DLG2: variants seen among roughly 807,000 people sequenced by gnomAD.
The protein encoded by DLG2 is discs large MAGUK scaffold protein 2, also known as disks large homolog 2.
A neutral mutation model predicts 132.5 loss-of-function variants in DLG2; 45 were observed. The observed-to-expected ratio is 0.34, with a 90% CI of 0.27 to 0.44. DLG2 has a LOEUF of 0.44. DLG2 is among the 20% of genes least tolerant of loss of function. DLG2 has a pLI of 1.00. For missense variants in DLG2, 1,045 were observed against 1,196.9 expected, an observed-to-expected ratio of 0.87 and a Z score of 1.87; for synonymous variants, 424 against 419.6, an observed-to-expected ratio of 1.01 and a Z score of -0.13.
At chr11:85,592,163 G>A (rs1342746559) in intron 3 of DLG2, among the ~76,000 whole-genome samples, 1 of 152,104 alleles carries the variant, frequency 6.6e-6, no homozygotes, top group Non-Finnish European at 1.5e-5. Context: ...TTGACCTTAA[G>A]CTCCTTAAGT....
chr11:83,899,592 CAA>C (rs1323503871), intron 15 of DLG2, among the ~76,000 whole-genome samples: 1 of 152,086 alleles, frequency 6.6e-6, no homozygotes, highest in Admixed American at 6.6e-5. Flanking sequence ...CTGATGGTAT[CAA>C]AAATGGGAGT....
At chr11:83,486,959 T>G (rs1481504771) in intron 21 of DLG2, among the ~76,000 whole-genome samples, 3 of 149,552 alleles carry the variant, frequency 2.0e-5, no homozygotes, top group Non-Finnish European at 3.0e-5. Context: ...TACCATTATA[T>G]AAGCTTTTTT....
chr11:84,127,044 C>T (rs1368566420), intron 9 of DLG2, among the ~76,000 whole-genome samples: 2 of 152,150 alleles, frequency 1.3e-5, no homozygotes, highest in South Asian at 4.1e-4. Context: ...ATGCCATATT[C>T]GTCAAGCTAG....
At chr11:85,251,630 A>G (rs575374768) in intron 4 of DLG2, among the ~76,000 whole-genome samples, 275 of 152,292 alleles carry the variant, frequency 1.8e-3, no homozygotes, top group Non-Finnish European at 2.3e-3. Context: ...ATAAATTTTG[A>G]TCCACTATGC....
rs1490782838 is a variant in DLG2, at chr11:83,456,266, A to T, written c.*3552T>A. Reference sequence around the variant, plus strand: ...CGCCGGCAGGGCCCACAGCACATGCATCATCGCTGCCAGGGCAACGGTGCA... The same window carrying T: ...CGCCGGCAGGGCCCACAGCACATGCTTCATCGCTGCCAGGGCAACGGTGCA... On this transcript the variant is annotated 3_prime_UTR_variant, in exon 28 of 28. Coordinates refer to ENST00000376104, the MANE Select transcript of DLG2 (RefSeq NM_001142699.3). 6.5e-6 allele frequency: 1 copy of T among 152,964 alleles called. No individual in the cohort carries two copies. The highest frequency in any genetic ancestry group is 1.5e-5 in the Non-Finnish European group (1 of 68,280). 9.5% of individuals were successfully genotyped at this position (152,964 alleles called of 1,614,324 possible). A position where few individuals can be genotyped will look rare whatever the true frequency, so the allele number is the denominator to read the frequency against.
chr11:84,554,480 CT>C (rs1218000633), intron 6 of DLG2, among the ~76,000 whole-genome samples: 2 of 152,136 alleles, frequency 1.3e-5, no homozygotes, highest in African/African-American at 4.8e-5. Context: ...GGTGCGGTAG[CT>C]CATGCCTGTA....
intron 9 of DLG2, among the ~76,000 whole-genome samples, chr11:84,160,262 A>T (rs1001391281): frequency 6.6e-6 from 1 of 152,158 alleles, no homozygotes; most frequent in African/African-American, 2.4e-5. Flanking sequence ...AGGAGGAGCC[A>T]GCAAGGAGGC....
intron 6 of DLG2, among the ~76,000 whole-genome samples, chr11:84,830,321 C>G (rs1419262140): frequency 6.7e-6 from 1 of 150,092 alleles, no homozygotes; most frequent in Non-Finnish European, 1.5e-5. Flanking sequence ...ACCTTTTAAA[C>G]AGTATAGCTC....
rs968655401 is a variant in DLG2 at position 85,565,834 on chromosome 11, A to AAT, written c.40+32821_40+32822dup. 7.4e-4 allele frequency among the ~76,000 whole-genome samples: 112 copies of AAT among 152,160 alleles called. 1 individual carries two copies. The highest frequency in any genetic ancestry group is 3.4e-3 in the Middle Eastern group (1 of 294). On this transcript the variant is annotated intron_variant, in intron 3 of 27. Transcript: ENST00000376104. ...ACATTAGTTTACACATCTTTGTGTAAATATATATATTTTCAATTCTCTTGG... is the reference window on the plus strand; with the variant it reads ...ACATTAGTTTACACATCTTTGTGTAAATATATATATATTTTCAATTCTCTTGG...
At chr11:83,974,389 T>C (rs1171285857) in intron 12 of DLG2, among the ~76,000 whole-genome samples, 1 of 152,182 alleles carries the variant, frequency 6.6e-6, no homozygotes, top group Middle Eastern at 3.4e-3. Context: ...AGGATATTTA[T>C]TTTCAAATAA....
chr11:85,585,161 C>A (rs1210948044), intron 3 of DLG2, among the ~76,000 whole-genome samples: 1 of 152,154 alleles, frequency 6.6e-6, no homozygotes, highest in Non-Finnish European at 1.5e-5. Context: ...TTTGATCCAT[C>A]TTGAGTGGAT....
chr11:83,651,302 T>C (rs1380956778), intron 18 of DLG2, among the ~76,000 whole-genome samples: 1 of 152,146 alleles, frequency 6.6e-6, no homozygotes, highest in African/African-American at 2.4e-5. Flanking sequence ...GCAAATTACT[T>C]AACATTTCTG....
intron 6 of DLG2, among the ~76,000 whole-genome samples, chr11:84,644,180 C>G (rs2099671617): frequency 6.6e-6 from 1 of 152,058 alleles, no homozygotes; most frequent in African/African-American, 2.4e-5. Context: ...TGGGTCTTTT[C>G]AAAGGTCCAT....
At chr11:84,477,969 T>C (rs2099126293) in intron 7 of DLG2, among the ~76,000 whole-genome samples, 1 of 152,142 alleles carries the variant, frequency 6.6e-6, no homozygotes, top group Non-Finnish European at 1.5e-5. Context: ...AGAAATTGTA[T>C]AAACCATTAT....
At chr11:85,493,282 C>T (rs981803943) in intron 3 of DLG2, among the ~76,000 whole-genome samples, 5 of 152,168 alleles carry the variant, frequency 3.3e-5, no homozygotes, top group African/African-American at 1.2e-4. Flanking sequence ...TACAACTACA[C>T]TATACTCCAA....
intron 6 of DLG2, among the ~76,000 whole-genome samples, chr11:84,905,986 T>G (rs1331697701): frequency 1.3e-5 from 2 of 152,156 alleles, no homozygotes; most frequent in Admixed American, 1.3e-4. Context: ...ATGCCTTGTA[T>G]AAACCTCATC....
intron 6 of DLG2, among the ~76,000 whole-genome samples, chr11:84,583,560 A>G (rs981339472): frequency 3.3e-5 from 5 of 152,250 alleles, no homozygotes; most frequent in Non-Finnish European, 5.9e-5. Context: ...AAAAGAATAC[A>G]TGTAATGTAA....
At chr11:83,718,532 G>GA (rs57237354) in intron 18 of DLG2, among the ~76,000 whole-genome samples, 42,352 of 106,614 alleles carry the variant, frequency 0.4, 6,978 homozygotes, top group Middle Eastern at 0.55. Flanking sequence ...CTCAAAAAAA[G>GA]AAAAAAAAAA....
At chr11:83,655,976 T>C (rs970205102) in intron 18 of DLG2, among the ~76,000 whole-genome samples, 1 of 152,248 alleles carries the variant, frequency 6.6e-6, no homozygotes, top group Non-Finnish European at 1.5e-5. Context: ...GCAGTAGGAA[T>C]TCTGCAGGTG....
Sources: allele counts gnomAD v4.1 joint callset (sites outside exome capture counted in the v4.1 genomes callset), GRCh38; gene constraint gnomAD v4.1.1; transcripts MANE v1.5; gene names NCBI Gene and HGNC (gene_info 2026-07-23, HGNC 2026-07-21).